SLC39A7: variants seen among roughly 807,000 people sequenced by gnomAD.
The protein encoded by SLC39A7 is solute carrier family 39 member 7.
SLC39A7 carries 25 observed loss-of-function variants against 39.7 expected under a neutral mutation model. The ratio of observed to expected loss-of-function variants is 0.63; its 90% CI spans 0.46 to 0.88. SLC39A7 has a LOEUF of 0.88. Among genes scored for constraint, SLC39A7 ranks in the 40% least tolerant of loss-of-function variants. The probability of loss-of-function intolerance (pLI) is 0.00; values close to 1 mark genes in which losing one functional copy is unlikely to be tolerated. For synonymous variants in SLC39A7, 181 were observed against 234.1 expected (o/e 0.77, Z 2.07); for missense variants, 501 against 592.1 (o/e 0.85, Z 1.60).
At chr6:33,202,030 G>C in intron 2 of SLC39A7, 42 bp from the exon 3 acceptor site, 1 of 1,605,880 alleles carries the variant, frequency 6.2e-7, no homozygotes, top group Non-Finnish European at 8.5e-7. Flanking sequence ...CACACTCATT[G>C]TGTCAGATAT....
Position 33,202,982 on chromosome 6 carries a change from G to A in SLC39A7, c.1013G>A (p.Gly338Glu). 1.2e-6 allele frequency: 2 copies of A among 1,612,522 alleles called. No homozygotes were observed. The highest frequency in any genetic ancestry group is 1.7e-6 in the Non-Finnish European group (2 of 1,179,882). ...AACTTCACTGATGGTCTGGCCATTG[G>A]GGCTTCCTTTCGAGGGGGCCGGGGA... is the stretch of plus-strand genomic sequence containing the variant. ...AHNFTDGLAI[G>E]ASFRGGRGLG... Residue 338 changes from glycine to glutamate, a missense_variant, in exon 6 of 7, where the codon GGG (glycine) becomes GAG (glutamate). Transcript: ENST00000374677.
chr6:33,201,843 G>T lies in SLC39A7; in HGVS notation c.510G>T (p.Gln170His). 3 of 1,613,116 alleles carry T rather than the reference G, an allele frequency of 1.9e-6. No individual in the cohort carries two copies. Among genetic ancestry groups the T allele is most frequent in the Non-Finnish European group, 2.5e-6 (3 of 1,180,010 alleles). ...SNSPRHRSLL[Q>H]ILLSFASGGL... ...CTCCCCGGCATCGCTCTCTACTTCA[G>T]ATCTTGCTCAGTTTTGCTTCCGGTG... The change falls in exon 2 of 7, where the codon CAG (glutamine) becomes CAT (histidine). Residue 170 changes from glutamine (Q) to histidine (H), a missense_variant. By Grantham distance (24) the Gln-to-His change is conservative. Transcript: ENST00000374677. This position sits in a 1 kb window ranked among gnomAD's most constrained non-coding sequence, Gnocchi z 5.9.
In SLC39A7 at chr6:33,201,958, C is replaced by T. The variant is rs1739401725; in HGVS notation, c.580+45C>T. On this transcript the variant is annotated intron_variant, in intron 2 of 6. Transcript: ENST00000374677. The surrounding 1 kb of genome is among the most constrained non-coding windows in gnomAD (Gnocchi z 5.9). ...TACCTCAAATCTAACCTATTTCGTTCTTTGGAGGAAAAGGGTTCTTTCTCC... is the reference window on the plus strand; with the variant it reads ...TACCTCAAATCTAACCTATTTCGTTTTTTGGAGGAAAAGGGTTCTTTCTCC... 7.5e-6 allele frequency: 12 copies of T among 1,606,232 alleles called. No individual in the cohort carries two copies. Among genetic ancestry groups the T allele is most frequent in the Non-Finnish European group, 1.0e-5 (12 of 1,174,004 alleles).
rs561085808 is a variant in SLC39A7 at position 33,201,012 on chromosome 6, G to A, written c.-234G>A. ...CACCTAATGAGTCGTAGAGACGAGG[G>A]CCCAGAGAGTCTGTAAAGTGGCTGG... On this transcript the variant is annotated 5_prime_UTR_variant, in exon 1 of 7. Transcript: ENST00000374677. This position sits in a 1 kb window ranked among gnomAD's most constrained non-coding sequence, Gnocchi z 5.9. The A allele has an allele frequency of 1.0e-5, 8 of 766,346 alleles. No individual in the cohort carries two copies. The highest frequency in any genetic ancestry group is 6.9e-5 in the African/African-American group (4 of 58,140). 47.5% of individuals were successfully genotyped at this position (766,346 alleles called of 1,614,324 possible).
Position 33,202,900 on chromosome 6 carries a change from C to T in SLC39A7, c.941-10C>T, listed in dbSNP as rs773522445. 2.5e-6 allele frequency: 4 copies of T among 1,602,992 alleles called. No individual in the cohort carries two copies. Among genetic ancestry groups the T allele is most frequent in the Non-Finnish European group, 3.4e-6 (4 of 1,177,268 alleles). On this transcript the variant is annotated splice_polypyrimidine_tract_variant and intron_variant, in intron 5 of 6. Transcript: ENST00000374677. The stretch of plus-strand genomic sequence containing the variant: ...GCCTCTGATCATTTTCTCTTCTTGT[C>T]CTGTACAAGACCTGCGTGTGTCGGG...
chr6:33,203,347 G>C (rs1406093848), intron 6 of SLC39A7, among the ~76,000 whole-genome samples, 194 bp from the exon 7 acceptor site: 2 of 152,142 alleles, frequency 1.3e-5, no homozygotes, highest in African/African-American at 2.4e-5. Flanking sequence ...CAATCAGAAA[G>C]TCTGTGGAAA....
chr6:33,203,537 T>A lies in SLC39A7; in HGVS notation c.1138-4T>A. Reference sequence around the variant, plus strand: ...AGTGCCTTTTTCTCTTTTCTGCCCATCAGGCGATGCGTCTGCAACTACTGA... The same window carrying A: ...AGTGCCTTTTTCTCTTTTCTGCCCAACAGGCGATGCGTCTGCAACTACTGA... On this transcript the variant is annotated splice_polypyrimidine_tract_variant and splice_region_variant and intron_variant, in intron 6 of 6. Transcript: ENST00000374677. The A allele has an allele frequency of 6.2e-7, 1 of 1,613,908 alleles. No individual in the cohort carries two copies. The highest frequency in any genetic ancestry group is 8.5e-7 in the Non-Finnish European group (1 of 1,179,736).
chr6:33,201,683 A>G lies in SLC39A7; in HGVS notation c.411+27A>G, dbSNP rs1429578455. The G allele has an allele frequency of 6.2e-7, 1 of 1,610,512 alleles. No homozygotes were observed. Among genetic ancestry groups the G allele is most frequent in the Non-Finnish European group, 8.5e-7 (1 of 1,177,566 alleles). The stretch of plus-strand genomic sequence containing the variant: ...TGAGTCTCCAGGGGATGGGAGAGAG[A>G]AGGGCTGGTTCTGGATTGTTGGGAA... On this transcript the variant is annotated intron_variant, in intron 1 of 6. Transcript: ENST00000374677. The surrounding 1 kb of genome is among the most constrained non-coding windows in gnomAD (Gnocchi z 5.9).
At position 33,204,274 on chromosome 6, in the gene SLC39A7, T is replaced by G; in HGVS notation, c.*461T>G. On this transcript the variant is annotated 3_prime_UTR_variant, in exon 7 of 7. Transcript: ENST00000374677. ...GTCGGGGATAAACATCAAACATCAA[T>G]CGTGTGTCCTGATTTGGGAGTGATT... 1 of 477,998 alleles carries G rather than the reference T, an allele frequency of 2.1e-6. No homozygotes were observed. Among genetic ancestry groups the G allele is most frequent in the Non-Finnish European group, 3.8e-6 (1 of 263,306 alleles). 29.6% of individuals were successfully genotyped at this position (477,998 alleles called of 1,614,324 possible).
rs1312920150 is a variant in SLC39A7, at chr6:33,201,322, C to G, written c.77C>G (p.Ala26Gly). ...LTWATLGLLV[A>G]GLGGHDDLHD... ...TGGGCGACCTTGGGGCTTCTGGTGG[C>G]TGGACTCGGGGGTCATGACGACCTG... Residue 26 changes from alanine (A) to glycine (G), a missense_variant, in exon 1 of 7, where the codon GCT (alanine) becomes GGT (glycine). Coordinates refer to ENST00000374677, the MANE Select transcript of SLC39A7 (RefSeq NM_006979.3). The surrounding 1 kb of genome is among the most constrained non-coding windows in gnomAD (Gnocchi z 5.9). 1.2e-6 allele frequency: 2 copies of G among 1,614,082 alleles called. No homozygotes were observed. Among genetic ancestry groups the G allele is most frequent in the Admixed American group, 1.7e-5 (1 of 60,026 alleles).
chr6:33,204,247 G>T lies in SLC39A7; in HGVS notation c.*434G>T. ...TCCTGGACAGAGAGGGTAACAGGAG[G>T]AGTCGGGGATAAACATCAAACATCA... On this transcript the variant is annotated 3_prime_UTR_variant, in exon 7 of 7. Transcript: ENST00000374677. 6.4e-6 allele frequency: 3 copies of T among 470,554 alleles called. No homozygotes were observed. In the South Asian group the frequency reaches 6.7e-5, roughly 11 times the overall value. 29.1% of individuals were successfully genotyped at this position (470,554 alleles called of 1,614,324 possible).
chr6:33,203,701 T>C lies in SLC39A7; in HGVS notation c.1298T>C (p.Val433Ala), dbSNP rs1334432261. Residue 433 changes from valine to alanine, a missense_variant, in exon 7 of 7, where the codon GTG becomes GCG. Transcript: ENST00000374677. ...GGTGGCTTTATCTACGTAGCAACAG[T>C]GTCTGTGTTGCCCGAGCTGCTGAGG... Reference protein sequence around the residue: ...TAGGFIYVATVSVLPELLREA... With the variant: ...TAGGFIYVATASVLPELLREA... The C allele has an allele frequency of 1.2e-6, 2 of 1,614,040 alleles. No homozygotes were observed. The highest frequency in any genetic ancestry group is 1.3e-5 in the African/African-American group (1 of 74,924).
chr6:33,203,757 G>GTGCTGGGGC lies in SLC39A7; in HGVS notation c.1363_1371dup (p.Leu455_Gly457dup). ...ATCACCATTGCAATCACTTCTGGAG[G>GTGCTGGGGC]TGCTGGGGCTGCTGGGGGGAGTTAT... On this transcript the variant is annotated inframe_insertion, in exon 7 of 7. Transcript: ENST00000374677. 2 of 1,614,202 alleles carry GTGCTGGGGC rather than the reference G, an allele frequency of 1.2e-6. No homozygotes were observed. The highest frequency in any genetic ancestry group is 1.7e-6 in the Non-Finnish European group (2 of 1,180,038).
chr6:33,204,233 G>C lies in SLC39A7; in HGVS notation c.*420G>C. The stretch of plus-strand genomic sequence containing the variant: ...AGGGAAGACCAGAGTCCTGGACAGA[G>C]AGGGTAACAGGAGGAGTCGGGGATA... On this transcript the variant is annotated 3_prime_UTR_variant, in exon 7 of 7. Transcript: ENST00000374677. The C allele has an allele frequency of 2.1e-6, 1 of 466,708 alleles. No homozygotes were observed. The highest frequency in any genetic ancestry group is 2.3e-5 in the South Asian group (1 of 44,234). The allele number at this position is 466,708 out of a possible 1,614,324, so 28.9% of individuals were successfully genotyped here.
rs771479767 is a variant in SLC39A7, at chr6:33,202,912, C to T, written c.943C>T (p.Leu315=). The T allele has an allele frequency of 1.9e-6, 3 of 1,610,386 alleles. No individual in the cohort carries two copies. The highest frequency in any genetic ancestry group is 4.5e-5 in the East Asian group (2 of 44,872). Residue 315 remains leucine (L), a splice_region_variant and synonymous_variant, in exon 6 of 7, where the codon CTG becomes TTG. Transcript: ENST00000374677. Reference sequence around the variant, plus strand: ...TTTCTCTTCTTGTCCTGTACAAGACCTGCGTGTGTCGGGGTACCTGAATCT... The same window carrying T: ...TTTCTCTTCTTGTCCTGTACAAGACTTGCGTGTGTCGGGGTACCTGAATCT... ...NAEEEKRGLD[L]RVSGYLNLAA...
In SLC39A7 at chr6:33,201,954, C is replaced by A; in HGVS notation, c.580+41C>A. 1.2e-6 allele frequency: 2 copies of A among 1,607,372 alleles called. No individual in the cohort carries two copies. The highest frequency in any genetic ancestry group is 1.7e-6 in the Non-Finnish European group (2 of 1,175,000). On this transcript the variant is annotated intron_variant, in intron 2 of 6. Transcript: ENST00000374677. The surrounding 1 kb of genome is among the most constrained non-coding windows in gnomAD (Gnocchi z 5.9). ...CTTCTACCTCAAATCTAACCTATTT[C>A]GTTCTTTGGAGGAAAAGGGTTCTTT... is the stretch of plus-strand genomic sequence containing the variant.
rs374705852 is a variant in SLC39A7, at chr6:33,203,030, C to T, written c.1061C>T (p.Thr354Ile). Residue 354 changes from threonine (T) to isoleucine (I), a missense_variant, in exon 6 of 7, where the codon ACT becomes ATT. By Grantham distance (89) the Thr-to-Ile change is moderately conservative. Transcript: ENST00000374677. Reference protein sequence around the residue: ...GRGLGILTTMTVLLHEVPHEV... With the variant: ...GRGLGILTTMIVLLHEVPHEV... ...GGACTAGGGATCCTGACCACAATGA[C>T]TGTCCTGCTACATGAAGTGCCCCAC... 4 of 1,612,562 alleles carry T rather than the reference C, an allele frequency of 2.5e-6. No homozygotes were observed. The highest frequency in any genetic ancestry group is 2.5e-6 in the Non-Finnish European group (3 of 1,179,886).
Position 33,203,798 on chromosome 6 carries a change from T to G in SLC39A7, c.1395T>G (p.Ile465Met). Residue 465 changes from isoleucine (I) to methionine (M), a missense_variant, in exon 7 of 7, where the codon ATT becomes ATG. Ile to Met is a conservative substitution (Grantham distance 10). Coordinates refer to ENST00000374677, the MANE Select transcript of SLC39A7 (RefSeq NM_006979.3). ...GGGGAGTTATCATGATGGTGCTGAT[T>G]GCCCACCTTGAGTGAGGGGTGGATA... ...LLGGVIMMVL[I>M]AHLE 2 of 1,614,132 alleles carry G rather than the reference T, an allele frequency of 1.2e-6. No homozygotes were observed. Among genetic ancestry groups the G allele is most frequent in the Non-Finnish European group, 1.7e-6 (2 of 1,180,014 alleles).
chr6:33,203,206 T>A (rs1774748011), intron 6 of SLC39A7, 100 bp downstream of exon 6: 1 of 1,037,056 alleles, frequency 9.6e-7, no homozygotes. Flanking sequence ...CAATTCATAC[T>A]GTCATTGACA....
Sources: gnomAD v4.1 joint callset for allele counts (sites outside exome capture counted in the v4.1 genomes callset) on GRCh38, gnomAD v4.1.1 for gene constraint, Gnocchi (gnomAD v3.1) non-coding constraint, MANE v1.5 for transcripts, NCBI Gene and HGNC (gene_info 2026-07-23, HGNC 2026-07-21) for gene names.